Variants in MLLT10 observed in about 807,000 individuals in gnomAD.
The protein encoded by MLLT10 is MLLT10 histone lysine methyltransferase DOT1L cofactor, also known as protein AF-10.
Under a neutral mutation model 129.1 loss-of-function variants are expected in MLLT10, and 30 were observed. That is an observed-to-expected ratio of 0.23 (90% CI 0.17 to 0.32). MLLT10 has a LOEUF of 0.32. Ranked by LOEUF, MLLT10 falls within the 10% of genes least tolerant of loss-of-function variation. The pLI, the probability that MLLT10 is intolerant of heterozygous loss-of-function variation, is 1.00. For missense variants in MLLT10, 1,119 were observed against 1,268.3 expected, an observed-to-expected ratio of 0.88 and a Z score of 1.79; for synonymous variants, 490 against 446.4, an observed-to-expected ratio of 1.10 and a Z score of -1.23.
At chr10:21,584,911 CA>C (rs967856132) in intron 3 of MLLT10, among the ~76,000 whole-genome samples, 6 of 150,240 alleles carry the variant, frequency 4.0e-5, no homozygotes, top group East Asian at 3.9e-4. Flanking sequence ...TGTATATATA[CA>C]TTTTTTTTTA....
intron 13 of MLLT10, among the ~76,000 whole-genome samples, chr10:21,687,664 TA>T (rs940699035): frequency 1.3e-5 from 2 of 152,132 alleles, no homozygotes; most frequent in Admixed American, 6.5e-5. Context: ...ATAATTAGGT[TA>T]AAAAAAGGGG....
At chr10:21,555,549 T>G (rs1360009791) in intron 3 of MLLT10, among the ~76,000 whole-genome samples, 1 of 152,176 alleles carries the variant, frequency 6.6e-6, no homozygotes. Context: ...GTTTTTGTTT[T>G]GTTTCAGTTA....
intron 3 of MLLT10, among the ~76,000 whole-genome samples, chr10:21,559,955 C>G (rs1228545891): frequency 6.6e-6 from 1 of 150,832 alleles, no homozygotes; most frequent in Non-Finnish European, 1.5e-5. Context: ...TTTTTTGGGT[C>G]GGGTGGGTGT....
intron 2 of MLLT10, 43 bp downstream of exon 2, chr10:21,534,847 A>G (rs778329926): frequency 9.7e-5 from 144 of 1,476,948 alleles, no homozygotes; most frequent in Non-Finnish European, 1.2e-4. Flanking sequence ...GCCTGCGCCC[A>G]ACGGTCACCG....
At chr10:21,587,423 C>CAAA (rs35976402) in intron 4 of MLLT10, among the ~76,000 whole-genome samples, 25 of 42,240 alleles carry the variant, frequency 5.9e-4, no homozygotes, top group Non-Finnish European at 6.5e-4. Flanking sequence ...GACCCTGCCT[C>CAAA]AAAAAAAAAA....
intron 8 of MLLT10, chr10:21,625,116 C>CT (rs879593457): frequency 1.0e-6 from 1 of 954,478 alleles, no homozygotes; most frequent in South Asian, 1.4e-5. Context: ...ATATCCACCT[C>CT]TCCCCCAACC....
intron 5 of MLLT10, among the ~76,000 whole-genome samples, chr10:21,604,836 C>A (rs537445500): frequency 2.2e-4 from 34 of 151,620 alleles, no homozygotes; most frequent in African/African-American, 8.2e-4. Context: ...GGCCTTACCC[C>A]TTGGTCCTGG....
At chr10:21,561,623 A>G (rs997414490) in intron 3 of MLLT10, among the ~76,000 whole-genome samples, 1 of 152,180 alleles carries the variant, frequency 6.6e-6, no homozygotes, top group African/African-American at 2.4e-5. Flanking sequence ...GCAGTGTAAG[A>G]TAAGTGTCCA....
intron 8 of MLLT10, among the ~76,000 whole-genome samples, chr10:21,650,786 A>C (rs1371438625): frequency 1.5e-4 from 23 of 152,072 alleles, no homozygotes; most frequent in Admixed American, 1.5e-3. Context: ...ATTCCTTTTT[A>C]TATTTAGCTC....
chr10:21,710,583 TTA>T (rs920808875), intron 13 of MLLT10, among the ~76,000 whole-genome samples: 2 of 152,194 alleles, frequency 1.3e-5, no homozygotes, highest in African/African-American at 4.8e-5. Flanking sequence ...ACTCCTAGAT[TTA>T]TGTCTTCAGA....
chr10:21,623,442 A>G (rs2046104073), intron 8 of MLLT10, among the ~76,000 whole-genome samples: 2 of 152,226 alleles, frequency 1.3e-5, no homozygotes, highest in South Asian at 4.1e-4. Flanking sequence ...ATAAGACCAA[A>G]TATTATAACA....
intron 4 of MLLT10, 53 bp downstream of exon 4, chr10:21,586,401 G>A (rs1187756111): frequency 3.2e-6 from 4 of 1,251,248 alleles, no homozygotes; most frequent in African/African-American, 1.5e-5. Context: ...GGACAGTGGA[G>A]TATTTTCAAA....
intron 8 of MLLT10, among the ~76,000 whole-genome samples, chr10:21,644,475 A>C (rs2048300504): frequency 6.6e-6 from 1 of 152,124 alleles, no homozygotes; most frequent in Admixed American, 6.6e-5. Context: ...GCGCAGTATA[A>C]GAGCTTGGCT....
chr10:21,717,701 T>TTCCTCCTCCTCCTCCTCCTCCTCC (rs1431213350), intron 14 of MLLT10, among the ~76,000 whole-genome samples: 3 of 23,394 alleles, frequency 1.3e-4, no homozygotes, highest in African/African-American at 2.1e-4. Context: ...CCTCCTCCTC[T>TTCCTCCTCCTCCTCCTCCTCCTCC]TCCTCCTCCT....
chr10:21,637,422 A>G (rs546525495), intron 8 of MLLT10, among the ~76,000 whole-genome samples: 1 of 152,282 alleles, frequency 6.6e-6, no homozygotes, highest in South Asian at 2.1e-4. Flanking sequence ...AAGAGACCCC[A>G]CCATCCTTGA....
intron 8 of MLLT10, among the ~76,000 whole-genome samples, chr10:21,639,698 C>A (rs1293247065): frequency 6.6e-6 from 1 of 151,980 alleles, no homozygotes; most frequent in African/African-American, 2.4e-5. Flanking sequence ...GTAGGGAAAC[C>A]CAAGCAGGCC....
At chr10:21,626,400 C>A in intron 8 of MLLT10, 1 of 615,440 alleles carries the variant, frequency 1.6e-6, no homozygotes, top group Non-Finnish European at 2.9e-6. Flanking sequence ...CTTATGTTTA[C>A]ATGGCAAAGA....
chr10:21,614,995 A>T (rs1003232202), intron 7 of MLLT10, 71 bp downstream of exon 7: 8 of 1,270,082 alleles, frequency 6.3e-6, no homozygotes, highest in East Asian at 2.4e-5. Flanking sequence ...CTGTTTTATT[A>T]AAAAAAGCAT....
At chr10:21,676,349 C>T (rs1444442663) in intron 11 of MLLT10, among the ~76,000 whole-genome samples, 1 of 151,164 alleles carries the variant, frequency 6.6e-6, no homozygotes, top group African/African-American at 2.4e-5. Context: ...ACCTGAGAGG[C>T]AGAGCTCGCA....
Sources: allele counts gnomAD v4.1 joint callset (sites outside exome capture counted in the v4.1 genomes callset), GRCh38; gene constraint gnomAD v4.1.1; transcripts MANE v1.5; gene names NCBI Gene and HGNC (gene_info 2026-07-23, HGNC 2026-07-21).